Variants in EPHA6 observed in about 807,000 individuals in gnomAD.
EPHA6 encodes the protein ephrin type-A receptor 6.
In EPHA6, 50 loss-of-function variants were observed where a neutral mutation model predicts 112.0. That is an observed-to-expected ratio of 0.45 (90% CI 0.36 to 0.56). The LOEUF is 0.56. EPHA6 is among the 20% of genes least tolerant of loss of function. EPHA6 has a pLI of 0.00. For missense variants in EPHA6, 1,280 were observed against 1,417.4 expected (o/e 0.90, Z 1.56); for synonymous variants, 529 against 490.7 (o/e 1.08, Z -1.03).
At chr3:97,639,725 A>G (rs982063560) in intron 14 of EPHA6, among the ~76,000 whole-genome samples, 1 of 152,212 alleles carries the variant, frequency 6.6e-6, no homozygotes, top group African/African-American at 2.4e-5. Context: ...ATCAAATTTA[A>G]CAACCAGACT....
At chr3:96,946,076 C>T (rs533792988) in intron 2 of EPHA6, among the ~76,000 whole-genome samples, 14 of 152,204 alleles carry the variant, frequency 9.2e-5, no homozygotes, top group Admixed American at 9.2e-4. Flanking sequence ...TATGTAGTTT[C>T]AATCATACAA....
chr3:97,484,272 C>T (rs2091642508), intron 10 of EPHA6, among the ~76,000 whole-genome samples: 1 of 152,042 alleles, frequency 6.6e-6, no homozygotes, highest in South Asian at 2.1e-4. Flanking sequence ...TTACTTTTAA[C>T]ATTCTATAGT....
At chr3:97,535,059 C>G (rs1466199222) in intron 11 of EPHA6, among the ~76,000 whole-genome samples, 1 of 151,832 alleles carries the variant, frequency 6.6e-6, no homozygotes, top group Non-Finnish European at 1.5e-5. Flanking sequence ...GACACACACA[C>G]ACACACACGA....
At chr3:96,833,503 T>A (rs528493345) in intron 1 of EPHA6, among the ~76,000 whole-genome samples, 1 of 151,992 alleles carries the variant, frequency 6.6e-6, no homozygotes, top group African/African-American at 2.4e-5. Flanking sequence ...TCTAGCAAAC[T>A]AGTTTACAGA....
chr3:96,963,289 C>T (rs1007616516), intron 2 of EPHA6, among the ~76,000 whole-genome samples: 5 of 151,870 alleles, frequency 3.3e-5, no homozygotes, highest in South Asian at 2.1e-4. Context: ...AGTAATAATG[C>T]GTTAGTTTGT....
At chr3:97,726,022 A>AG (rs973058782) in intron 15 of EPHA6, among the ~76,000 whole-genome samples, 19 of 152,162 alleles carry the variant, frequency 1.2e-4, no homozygotes, top group African/African-American at 4.6e-4. Flanking sequence ...CCTGGTACAT[A>AG]GGTGTTTAAT....
chr3:97,462,853 T>C (rs751331388), intron 7 of EPHA6, among the ~76,000 whole-genome samples: 7 of 152,144 alleles, frequency 4.6e-5, no homozygotes, highest in Non-Finnish European at 7.4e-5. Context: ...GAGCACCAAG[T>C]AGGAACACAC....
chr3:97,121,738 G>A (rs1330526744), intron 3 of EPHA6, among the ~76,000 whole-genome samples: 5 of 152,068 alleles, frequency 3.3e-5, no homozygotes, highest in Non-Finnish European at 7.4e-5. Context: ...GTGTAGGACT[G>A]TAATCCAGAA....
chr3:97,626,854 C>T (rs2093861389), intron 13 of EPHA6, among the ~76,000 whole-genome samples: 1 of 151,754 alleles, frequency 6.6e-6, no homozygotes. Context: ...GCAGGTTTAC[C>T]ACCATAATAC....
At chr3:96,833,449 C>T (rs2034211470) in intron 1 of EPHA6, among the ~76,000 whole-genome samples, 1 of 151,884 alleles carries the variant, frequency 6.6e-6, no homozygotes, top group Non-Finnish European at 1.5e-5. Flanking sequence ...CAATAAATGT[C>T]TGTGTTCTGT....
rs116529766 is a variant in EPHA6 at position 97,247,929 on chromosome 3, G to T, written c.1606+3642G>T. Among the ~76,000 whole-genome samples, 628 of 152,018 alleles carry T rather than the reference G, an allele frequency of 4.1e-3. 2 individuals are homozygous for T. Among genetic ancestry groups the T allele is most frequent in the Middle Eastern group, 0.017 (5 of 294 alleles). The stretch of plus-strand genomic sequence containing the variant: ...TTTTCCTACTCTATGTATGCACATT[G>T]TGGAACATGAAGATCGATATGAAAT... On this transcript the variant is annotated intron_variant, in intron 5 of 17. Coordinates refer to ENST00000389672, the MANE Select transcript of EPHA6 (RefSeq NM_001080448.3).
intron 3 of EPHA6, among the ~76,000 whole-genome samples, chr3:97,100,314 G>A (rs975352292): frequency 6.6e-6 from 1 of 150,924 alleles, no homozygotes; most frequent in African/African-American, 2.4e-5. Flanking sequence ...TGACACAATA[G>A]TAAAGAGATC....
intron 3 of EPHA6, among the ~76,000 whole-genome samples, chr3:97,002,275 A>G (rs1405366361): frequency 3.3e-5 from 5 of 151,656 alleles, no homozygotes; most frequent in South Asian, 2.1e-4. Flanking sequence ...GTGCATTTAT[A>G]TATAGATTGC....
intron 10 of EPHA6, among the ~76,000 whole-genome samples, chr3:97,488,846 A>G (rs1463100825): frequency 6.6e-6 from 1 of 152,222 alleles, no homozygotes; most frequent in Non-Finnish European, 1.5e-5. Context: ...TAAGATCAAC[A>G]ACAGATTTTG....
At chr3:97,184,429 TAG>T (rs568305133) in intron 3 of EPHA6, among the ~76,000 whole-genome samples, 2 of 151,896 alleles carry the variant, frequency 1.3e-5, no homozygotes, top group Non-Finnish European at 2.9e-5. Context: ...AACAGACAAA[TAG>T]AGAGGCAAAT....
intron 2 of EPHA6, among the ~76,000 whole-genome samples, chr3:96,881,432 A>T (rs1365094525): frequency 6.6e-6 from 1 of 152,144 alleles, no homozygotes; most frequent in African/African-American, 2.4e-5. Context: ...AAAAACTATC[A>T]GGTCTCCTGA....
intron 1 of EPHA6, among the ~76,000 whole-genome samples, chr3:96,825,038 G>A (rs1354949771): frequency 1.3e-5 from 2 of 151,806 alleles, no homozygotes; most frequent in Non-Finnish European, 2.9e-5. Flanking sequence ...TTATACATGG[G>A]AAATGAAAAT....
chr3:97,051,336 T>C (rs1425457375), intron 3 of EPHA6, among the ~76,000 whole-genome samples: 1 of 152,132 alleles, frequency 6.6e-6, no homozygotes, highest in Admixed American at 6.6e-5. Flanking sequence ...TAAGGAGATA[T>C]AGTATGTATG....
At chr3:97,513,097 T>A (rs2092393060) in intron 10 of EPHA6, among the ~76,000 whole-genome samples, 1 of 152,206 alleles carries the variant, frequency 6.6e-6, no homozygotes, top group South Asian at 2.1e-4. Context: ...ATATTTTCAT[T>A]AAGTAACATT....
Sources: allele counts gnomAD v4.1 joint callset (sites outside exome capture counted in the v4.1 genomes callset), GRCh38; gene constraint gnomAD v4.1.1; transcripts MANE v1.5; gene names NCBI Gene and HGNC (gene_info 2026-07-23, HGNC 2026-07-21).